TMEM181: variants seen among roughly 807,000 people sequenced by gnomAD.
TMEM181 encodes G protein-coupled receptor 178.
In TMEM181, 39 loss-of-function variants were observed where a neutral mutation model predicts 71.9. The observed-to-expected ratio is 0.54, with a 90% CI of 0.42 to 0.71. The LOEUF is 0.71. TMEM181 is among the 30% of genes least tolerant of loss of function. TMEM181 has a pLI of 0.00. For synonymous variants in TMEM181, 245 were observed against 228.8 expected, an observed-to-expected ratio of 1.07 and a Z score of -0.64; for missense variants, 595 against 583.0, an observed-to-expected ratio of 1.02 and a Z score of -0.21.
chr6:158,593,176 G>T (rs985291434), intron 6 of TMEM181, among the ~76,000 whole-genome samples: 1 of 152,120 alleles, frequency 6.6e-6, no homozygotes, highest in Non-Finnish European at 1.5e-5. Context: ...TAAGAAGTTG[G>T]GAGCGATCTG....
intron 3 of TMEM181, among the ~76,000 whole-genome samples, chr6:158,583,274 G>A (rs1783579929): frequency 6.6e-6 from 1 of 152,168 alleles, no homozygotes; most frequent in East Asian, 1.9e-4. Flanking sequence ...TTGTAAATAT[G>A]AAAGCATTCC....
intron 6 of TMEM181, among the ~76,000 whole-genome samples, chr6:158,602,566 C>A (rs12665233): frequency 0.36 from 53,901 of 151,598 alleles, 10,568 homozygotes; most frequent in East Asian, 0.75. Context: ...CTGTTCTAAT[C>A]GGTGTATAAT....
In TMEM181 at chr6:158,549,952, CTTTT is replaced by C. The variant is rs34066198; in HGVS notation, c.131+13104_131+13107del. Reference sequence around the variant, plus strand: ...GCCTTCCCCAACCTATTTGTCAGGACTTTTTTTTTTTTTTTTTTTTAACACAAGT... The same window carrying C: ...GCCTTCCCCAACCTATTTGTCAGGACTTTTTTTTTTTTTTTTAACACAAGT... On this transcript the variant is annotated intron_variant, in intron 1 of 16. Transcript: ENST00000367090. 2.4e-3 allele frequency among the ~76,000 whole-genome samples: 268 copies of C among 110,828 alleles called. 1 individual carries two copies. Among genetic ancestry groups the C allele is most frequent in the African/African-American group, 9.3e-3 (259 of 27,966 alleles). The allele number at this position is 110,828 out of a possible 152,430, so 72.7% of individuals were successfully genotyped here. A position where few individuals can be genotyped will look rare whatever the true frequency, so the allele number is the denominator to read the frequency against.
chr6:158,585,269 C>A, intron 4 of TMEM181, 35 bp from the exon 5 acceptor site: 1 of 1,554,500 alleles, frequency 6.4e-7, no homozygotes, highest in Non-Finnish European at 8.7e-7. Context: ...ATGTGCCTGG[C>A]ATGGTCTCTA....
intron 13 of TMEM181, 172 bp from the exon 14 acceptor site, chr6:158,628,236 G>GTGTGTGCA (rs1786444854): frequency 1.4e-6 from 1 of 714,868 alleles, no homozygotes; most frequent in African/African-American, 1.7e-5. Context: ...GGCTGTGTGT[G>GTGTGTGCA]TGTGTGCATG....
At chr6:158,560,867 A>G (rs1782128923) in intron 1 of TMEM181, among the ~76,000 whole-genome samples, 1 of 149,252 alleles carries the variant, frequency 6.7e-6, no homozygotes, top group Admixed American at 6.6e-5. Context: ...ATGAGGAAAA[A>G]CCTGTTTGGG....
chr6:158,541,594 C>A (rs1304097953), intron 1 of TMEM181, among the ~76,000 whole-genome samples: 3 of 152,202 alleles, frequency 2.0e-5, no homozygotes, highest in Non-Finnish European at 4.4e-5. Flanking sequence ...GTCAGCTCAC[C>A]TTGGCTCATG....
intron 6 of TMEM181, among the ~76,000 whole-genome samples, chr6:158,597,651 C>T (rs147511170): frequency 3.1e-3 from 478 of 152,270 alleles, no homozygotes; most frequent in Non-Finnish European, 5.6e-3. Context: ...GACAGGCACA[C>T]ACCACCATGC....
intron 6 of TMEM181, among the ~76,000 whole-genome samples, chr6:158,597,306 G>C (rs1363314291): frequency 6.6e-6 from 1 of 152,156 alleles, no homozygotes; most frequent in Non-Finnish European, 1.5e-5. Context: ...CACACACCGG[G>C]TAATTTATAA....
At chr6:158,592,673 A>T (rs1784173345) in intron 6 of TMEM181, among the ~76,000 whole-genome samples, 1 of 152,154 alleles carries the variant, frequency 6.6e-6, no homozygotes, top group Admixed American at 6.5e-5. Flanking sequence ...TTTAGTAGAG[A>T]TGGGGTTTTA....
In TMEM181 at chr6:158,633,373, G is replaced by C. The variant is rs1039380053; in HGVS notation, c.*1485G>C. On this transcript the variant is annotated 3_prime_UTR_variant, in exon 17 of 17. Transcript: ENST00000684151. ...TCCTTTCAGTCAGGGACTCCATATA[G>C]AGTCTCATGTGGACGTCTCCCGTGC... The C allele has an allele frequency of 6.6e-6, 1 of 152,148 alleles. No homozygotes were observed. The highest frequency in any genetic ancestry group is 1.5e-5 in the Non-Finnish European group (1 of 68,042). 9.4% of individuals were successfully genotyped at this position (152,148 alleles called of 1,614,324 possible). A position where few individuals can be genotyped will look rare whatever the true frequency, so the allele number is the denominator to read the frequency against.
Position 158,629,869 on chromosome 6 carries a change from C to G in TMEM181, c.1282+50C>G, listed in dbSNP as rs767232189. 16 of 1,477,218 alleles carry G rather than the reference C, an allele frequency of 1.1e-5. No homozygotes were observed. The South Asian group carries it at 1.8e-4, about 17-fold the overall frequency. The allele number at this position is 1,477,218 out of a possible 1,614,324, so 91.5% of individuals were successfully genotyped here. A position where few individuals can be genotyped will look rare whatever the true frequency, so the allele number is the denominator to read the frequency against. On this transcript the variant is annotated intron_variant, in intron 15 of 16. Coordinates refer to ENST00000684151, the MANE Select transcript of TMEM181 (RefSeq NM_001376852.1). The stretch of plus-strand genomic sequence containing the variant: ...GCTGGCCAGTTAGCGGGCACAGAGG[C>G]CTGTGTTCATCCACGACCCACTTCC...
rs547444237 is a variant in TMEM181 at position 158,628,493 on chromosome 6, A to G, written c.1192+3A>G. 1.2e-6 allele frequency: 2 copies of G among 1,613,798 alleles called. No individual in the cohort carries two copies. Among genetic ancestry groups the G allele is most frequent in the Non-Finnish European group, 1.7e-6 (2 of 1,179,858 alleles). On this transcript the variant is annotated splice_donor_region_variant and intron_variant, in intron 14 of 16. Transcript: ENST00000684151. The stretch of plus-strand genomic sequence containing the variant: ...GCTGTCAACTCACTACCAGAATTAT[A>G]TCCTTTTCACTGGAGGGCCCTGGCT...
At chr6:158,624,640 G>A (rs1269417767) in intron 11 of TMEM181, among the ~76,000 whole-genome samples, 5 of 152,234 alleles carry the variant, frequency 3.3e-5, no homozygotes, top group Admixed American at 1.3e-4. Flanking sequence ...CAAGCCCCTC[G>A]TGTCACAGAT....
At chr6:158,571,613 A>G (rs1442669334) in intron 1 of TMEM181, among the ~76,000 whole-genome samples, 2 of 152,266 alleles carry the variant, frequency 1.3e-5, no homozygotes, top group African/African-American at 4.8e-5. Flanking sequence ...CAGTGTTAAT[A>G]ACGTATTAAA....
chr6:158,563,181 T>C (rs1216102419), intron 1 of TMEM181, among the ~76,000 whole-genome samples: 1 of 152,248 alleles, frequency 6.6e-6, no homozygotes, highest in African/African-American at 2.4e-5. Flanking sequence ...TCTCGCTCTG[T>C]CACCCAGGCT....
At chr6:158,559,107 C>G (rs1278260568), upstream of TMEM181, among the ~76,000 whole-genome samples, 1 of 151,964 alleles carries the variant, frequency 6.6e-6, no homozygotes, top group East Asian at 1.9e-4. Flanking sequence ...GGTATCTCCC[C>G]CTTTTAACCC....
intron 2 of TMEM181, among the ~76,000 whole-genome samples, chr6:158,577,648 C>G (rs1783238369): frequency 6.6e-6 from 1 of 152,138 alleles, no homozygotes; most frequent in African/African-American, 2.4e-5. Flanking sequence ...AAGATATAAT[C>G]AAACTGTAGA....
chr6:158,548,037 G>A (rs547883101), intron 1 of TMEM181, among the ~76,000 whole-genome samples: 21 of 152,120 alleles, frequency 1.4e-4, no homozygotes, highest in East Asian at 1.2e-3. Flanking sequence ...TTCGCCCCAC[G>A]CTGACTGAAC....
Sources: gnomAD v4.1 joint callset for allele counts (sites outside exome capture counted in the v4.1 genomes callset) on GRCh38, gnomAD v4.1.1 for gene constraint, MANE v1.5 for transcripts, NCBI Gene and HGNC (gene_info 2026-07-23, HGNC 2026-07-21) for gene names.